XNDC1N: variants seen among roughly 807,000 people sequenced by gnomAD.
XNDC1N encodes the protein XRCC1 N-terminal domain containing 1, N-terminal like.
chr11:71,876,603 C>T, the XNDC1N span, among the ~76,000 whole-genome samples: 2 of 152,084 alleles, frequency 1.3e-5, no homozygotes, highest in East Asian at 1.9e-4. Flanking sequence ...AAAGTAATGG[C>T]AAAAACCACA....
chr11:71,896,584 A>G, the XNDC1N span, among the ~76,000 whole-genome samples: 1 of 152,054 alleles, frequency 6.6e-6, no homozygotes, highest in Non-Finnish European at 1.5e-5. Context: ...TTGTTTTGAG[A>G]TGGAGTTTCA....
At chr11:71,918,510 G>A in the XNDC1N span, among the ~76,000 whole-genome samples, 7 of 152,122 alleles carry the variant, frequency 4.6e-5, no homozygotes, top group Non-Finnish European at 7.3e-5. Flanking sequence ...TCACACTCCT[G>A]GGCTCAAGGG....
chr11:71,890,347 C>T, the XNDC1N span, among the ~76,000 whole-genome samples: 1 of 152,114 alleles, frequency 6.6e-6, no homozygotes, highest in African/African-American at 2.4e-5. Flanking sequence ...TCATCCTGCG[C>T]CTCCCTGGAT....
At chr11:71,918,941 T>C in the XNDC1N span, 1 of 702,958 alleles carries the variant, frequency 1.4e-6, no homozygotes, top group Non-Finnish European at 2.6e-6. Flanking sequence ...TACTTTCAAT[T>C]GCCCACTCTT....
the XNDC1N span, among the ~76,000 whole-genome samples, chr11:71,909,648 C>T: frequency 3.1e-4 from 47 of 152,210 alleles, no homozygotes; most frequent in Non-Finnish European, 5.4e-4. Flanking sequence ...CACTAGTAAC[C>T]GCCCTTGTTG....
At chr11:71,892,109 A>G in the XNDC1N span, among the ~76,000 whole-genome samples, 1 of 152,074 alleles carries the variant, frequency 6.6e-6, no homozygotes, top group Non-Finnish European at 1.5e-5. Context: ...TGGATATTAG[A>G]AAAAAATATC....
At chr11:71,920,360 T>G in the XNDC1N span, among the ~76,000 whole-genome samples, 2 of 151,868 alleles carry the variant, frequency 1.3e-5, no homozygotes. Flanking sequence ...TAGGCTGGAG[T>G]GCAATGGTGC....
At chr11:71,873,186 C>A in the XNDC1N span, among the ~76,000 whole-genome samples, 1 of 151,678 alleles carries the variant, frequency 6.6e-6, no homozygotes, top group Non-Finnish European at 1.5e-5. Flanking sequence ...TTATTTATTT[C>A]GATTCTTCAG....
chr11:71,914,357 C>T, the XNDC1N span: 8 of 455,900 alleles, frequency 1.8e-5, no homozygotes, highest in East Asian at 2.8e-4. Context: ...TTCAAGACTT[C>T]AGTGGAGGAA....
the XNDC1N span, among the ~76,000 whole-genome samples, chr11:71,866,304 C>G: frequency 9.9e-5 from 15 of 152,132 alleles, no homozygotes; most frequent in South Asian, 2.7e-3. Context: ...GCTGTCTGTG[C>G]CTTTTGATAA....
the XNDC1N span, chr11:71,916,112 C>T: frequency 2.8e-6 from 2 of 702,970 alleles, no homozygotes; most frequent in East Asian, 5.4e-5. Flanking sequence ...GAGGGACCCA[C>T]CACAGAGTCA....
the XNDC1N span, among the ~76,000 whole-genome samples, chr11:71,888,806 C>G: frequency 2.0e-5 from 3 of 152,338 alleles, no homozygotes; most frequent in Admixed American, 1.3e-4. Context: ...CACCGACTAC[C>G]AGACTTTGCT....
chr11:71,876,462 TC>T, the XNDC1N span, among the ~76,000 whole-genome samples: 1 of 152,214 alleles, frequency 6.6e-6, no homozygotes, highest in Non-Finnish European at 1.5e-5. Context: ...CTCTGACCCT[TC>T]TTTGATATCC....
chr11:71,894,948 T>C, the XNDC1N span, among the ~76,000 whole-genome samples: 2 of 152,256 alleles, frequency 1.3e-5, no homozygotes, highest in African/African-American at 4.8e-5. Context: ...GGAATTTCTT[T>C]ATAAACTGCT....
chr11:71,881,886 T>C, the XNDC1N span, among the ~76,000 whole-genome samples: 2 of 152,190 alleles, frequency 1.3e-5, no homozygotes, highest in South Asian at 2.1e-4. Context: ...AGGAAAAATA[T>C]ATGTGTAATG....
chr11:71,921,496 C>G, the XNDC1N span, among the ~76,000 whole-genome samples: 728 of 152,114 alleles, frequency 4.8e-3, 1 homozygote, highest in Non-Finnish European at 8.3e-3. Context: ...TCAGGTTGGT[C>G]TCCAACCCTA....
chr11:71,884,279 T>C, the XNDC1N span: 6 of 1,137,026 alleles, frequency 5.3e-6, no homozygotes, highest in African/African-American at 8.0e-5. Flanking sequence ...TCTTGCATTC[T>C]TTTGCTGTTG....
chr11:71,906,440 CTG>C, the XNDC1N span, among the ~76,000 whole-genome samples: 4 of 152,062 alleles, frequency 2.6e-5, no homozygotes, highest in Non-Finnish European at 1.5e-5. Flanking sequence ...GGAGAACACG[CTG>C]TGTGACATTA....
the XNDC1N span, among the ~76,000 whole-genome samples, chr11:71,891,366 C>G: frequency 0.03 from 4,366 of 147,766 alleles, 73 homozygotes; most frequent in East Asian, 0.08. Context: ...TGTGTTCACC[C>G]CCTGCGATAT....
Sources: allele counts gnomAD v4.1 joint callset (sites outside exome capture counted in the v4.1 genomes callset), GRCh38; gene constraint gnomAD v4.1.1; transcripts MANE v1.5; gene names NCBI Gene and HGNC (gene_info 2026-07-23, HGNC 2026-07-21).